Variants in KIAA0753 observed in about 807,000 individuals in gnomAD.
The protein encoded by KIAA0753 is KIAA0753.
A neutral mutation model predicts 116.9 loss-of-function variants in KIAA0753; 114 were observed. That is an observed-to-expected ratio of 0.98 (90% CI 0.84 to 1.14). The LOEUF is 1.14. Among genes scored for constraint, KIAA0753 ranks in the 50% most tolerant of loss-of-function variants. The pLI is 0.00. For missense variants in KIAA0753, 1,156 were observed against 1,172.4 expected (o/e 0.99, Z 0.20); for synonymous variants, 405 against 413.1 (o/e 0.98, Z 0.24).
At chr17:6,595,384 C>T (rs558520825) in intron 15 of KIAA0753, among the ~76,000 whole-genome samples, 21 of 152,274 alleles carry the variant, frequency 1.4e-4, no homozygotes, top group African/African-American at 3.9e-4. Context: ...GTTTAATAAG[C>T]ACCTGCGGCT....
chr17:6,635,536 C>A, intron 1 of KIAA0753: 1 of 158,112 alleles, frequency 6.3e-6, no homozygotes, highest in Non-Finnish European at 1.4e-5. Flanking sequence ...TTTGGACAAG[C>A]AGTCTACATT....
chr17:6,622,806 A>G, intron 6 of KIAA0753, 76 bp downstream of exon 6: 1 of 1,274,648 alleles, frequency 7.8e-7, no homozygotes, highest in Non-Finnish European at 1.1e-6. Flanking sequence ...TATTCTCCAT[A>G]AATCCTAACG....
intron 18 of KIAA0753, among the ~76,000 whole-genome samples, chr17:6,586,815 A>T (rs372050688): frequency 6.6e-6 from 1 of 152,248 alleles, no homozygotes; most frequent in East Asian, 1.9e-4. Flanking sequence ...AGAGGAATAA[A>T]GACATTAAAA....
At chr17:6,640,257 A>C (rs1217686915) in intron 1 of KIAA0753, 8 of 152,564 alleles carry the variant, frequency 5.2e-5, no homozygotes, top group Admixed American at 5.2e-4. Flanking sequence ...CCGGCATCTT[A>C]GCCGCCTGCT....
At position 6,612,154 on chromosome 17, in the gene KIAA0753, T is replaced by C. The variant is rs772595463; in HGVS notation, c.1316-6A>G. 7 of 1,592,128 alleles carry C rather than the reference T, an allele frequency of 4.4e-6. No individual in the cohort carries two copies. Among genetic ancestry groups the C allele is most frequent in the African/African-American group, 4.1e-5 (3 of 73,658 alleles). ...CGTATCGGGCTGATACTTATCTACA[T>C]GGAAATTTTTGAAAAACAAACTGAG... On this transcript the variant is annotated splice_region_variant and splice_polypyrimidine_tract_variant and intron_variant, in intron 7 of 18. Coordinates refer to ENST00000361413, the MANE Select transcript of KIAA0753 (RefSeq NM_014804.3).
intron 16 of KIAA0753, among the ~76,000 whole-genome samples, chr17:6,592,063 G>A (rs1001596807): frequency 6.6e-6 from 1 of 152,240 alleles, no homozygotes; most frequent in Admixed American, 6.5e-5. Context: ...AGCACAGGCC[G>A]AGTAGGATCA....
chr17:6,592,932 G>C (rs1220184505), intron 16 of KIAA0753, among the ~76,000 whole-genome samples: 1 of 152,106 alleles, frequency 6.6e-6, no homozygotes, highest in Non-Finnish European at 1.5e-5. Context: ...GTAGACTGGT[G>C]GCTGCCCGGG....
chr17:6,599,288 A>G lies in KIAA0753; in HGVS notation c.2121T>C (p.His707=). The change falls in exon 14 of 19, where the codon CAT becomes CAC. Residue 707 remains histidine, a synonymous_variant. Transcript: ENST00000361413. Reference sequence around the variant, plus strand: ...TGTTTACTGACGAGCCATCTTTCAAATGAATATTTGCTTCTGTAGTAGAAT... The same window carrying G: ...TGTTTACTGACGAGCCATCTTTCAAGTGAATATTTGCTTCTGTAGTAGAAT... ...RVNSTTEANI[H]LKDGSSVNTA... 10 of 1,613,822 alleles carry G rather than the reference A, an allele frequency of 6.2e-6. No homozygotes were observed. The highest frequency in any genetic ancestry group is 8.5e-6 in the Non-Finnish European group (10 of 1,179,726).
At position 6,618,244 on chromosome 17, in the gene KIAA0753, T is replaced by A. The variant is rs554717811; in HGVS notation, c.1315+2544A>T. Among the ~76,000 whole-genome samples, 4 of 152,296 alleles carry A rather than the reference T, an allele frequency of 2.6e-5. No homozygotes were observed. In the East Asian group the frequency reaches 7.7e-4, roughly 29 times the overall value. ...CTGTGCCCTTCCACATATTATAATT[T>A]GTCCTACGCATCTCTTCCATCTGGT... On this transcript the variant is annotated intron_variant, in intron 7 of 18. Transcript: ENST00000361413.
chr17:6,627,524 G>A (rs907637683), intron 3 of KIAA0753, among the ~76,000 whole-genome samples: 3 of 152,028 alleles, frequency 2.0e-5, no homozygotes, highest in African/African-American at 7.3e-5. Context: ...AATTCTCCAC[G>A]TGGAACCAGT....
At chr17:6,618,981 C>A (rs1971115890) in intron 7 of KIAA0753, among the ~76,000 whole-genome samples, 1 of 152,168 alleles carries the variant, frequency 6.6e-6, no homozygotes, top group African/African-American at 2.4e-5. Context: ...GTAATCCCAG[C>A]ACTTCGGAAG....
intron 12 of KIAA0753, among the ~76,000 whole-genome samples, chr17:6,605,875 A>ATT (rs1970165931): frequency 2.6e-5 from 4 of 152,172 alleles, no homozygotes; most frequent in African/African-American, 9.7e-5. Context: ...TGATATGTTT[A>ATT]ATTTCTGAAG....
intron 18 of KIAA0753, among the ~76,000 whole-genome samples, chr17:6,585,293 T>C (rs1320596514): frequency 6.6e-6 from 1 of 152,228 alleles, no homozygotes; most frequent in African/African-American, 2.4e-5. Flanking sequence ...CTTTTCCTTA[T>C]ATTGAGATGC....
At chr17:6,597,060 T>C (rs928774721) in intron 14 of KIAA0753, among the ~76,000 whole-genome samples, 1 of 152,242 alleles carries the variant, frequency 6.6e-6, no homozygotes, top group Admixed American at 6.5e-5. Context: ...GCAAGTTTAC[T>C]TGACCTCTCC....
chr17:6,589,900 G>A lies in KIAA0753; in HGVS notation c.2665C>T (p.Leu889Phe). ...TGCTGCATACCCGGTGGGACAAAGA[G>A]GGGAGCTCGGCCTTCTTTCTGTTGA... ...DSQQKEGRAP[L>F]FVPPGMQHSI... is the part of the protein sequence containing the mutation. The change falls in exon 18 of 19, where the codon CTC becomes TTC. Residue 889 changes from leucine to phenylalanine, a missense_variant. Physicochemically the swap from Leu to Phe is conservative, Grantham distance 22. Transcript: ENST00000361413. 7 of 1,613,778 alleles carry A rather than the reference G, an allele frequency of 4.3e-6. No homozygotes were observed. The highest frequency in any genetic ancestry group is 1.7e-4 in the Middle Eastern group (1 of 6,056).
In KIAA0753 at chr17:6,635,131, A is replaced by G. The variant is rs535440006; in HGVS notation, c.-28T>C. On this transcript the variant is annotated 5_prime_UTR_variant, in exon 2 of 19. Transcript: ENST00000361413. ...TGTCAGGTAGTACAGAACAATAGTG[A>G]CAGCCTTGTCATCCGGCAACAGTCT... 6.3e-5 allele frequency: 96 copies of G among 1,516,260 alleles called. No homozygotes were observed. The South Asian group carries it at 1.0e-3, about 16-fold the overall frequency. The allele number at this position is 1,516,260 out of a possible 1,614,324, so 93.9% of individuals were successfully genotyped here.
intron 12 of KIAA0753, among the ~76,000 whole-genome samples, chr17:6,603,883 C>T (rs780383554): frequency 2.6e-5 from 4 of 152,124 alleles, no homozygotes; most frequent in Non-Finnish European, 4.4e-5. Context: ...AACCCATGGC[C>T]ACATGCCAGC....
chr17:6,580,299 C>A (rs1968049475), intron 18 of KIAA0753, among the ~76,000 whole-genome samples: 1 of 148,698 alleles, frequency 6.7e-6, no homozygotes, highest in African/African-American at 2.5e-5. Flanking sequence ...TTCAGAAGGC[C>A]AAGAACAGCC....
At position 6,628,691 on chromosome 17, in the gene KIAA0753, C is replaced by T. The variant is rs572249585; in HGVS notation, c.144G>A (p.Ala48=). Residue 48 remains alanine, a synonymous_variant, in exon 3 of 19, where the codon GCG becomes GCA. Transcript: ENST00000361413. ...RNVPTHSSNL[A]IRYSCPHAIR... ...TGGCATGTGGGCAAGAATATCGGAT[C>T]GCCAAGTTGCTTGAATGTGTAGGAA... 10 of 1,613,306 alleles carry T rather than the reference C, an allele frequency of 6.2e-6. No individual in the cohort carries two copies. The highest frequency in any genetic ancestry group is 3.3e-4 in the Middle Eastern group (2 of 6,056).
Sources: allele counts gnomAD v4.1 joint callset (sites outside exome capture counted in the v4.1 genomes callset), GRCh38; gene constraint gnomAD v4.1.1; transcripts MANE v1.5; gene names NCBI Gene and HGNC (gene_info 2026-07-23, HGNC 2026-07-21).